Variants in SCIN observed in about 807,000 individuals in gnomAD.
SCIN encodes scinderin.
Under a neutral mutation model 91.8 loss-of-function variants are expected in SCIN, and 91 were observed. The observed-to-expected ratio is 0.99, with a 90% CI of 0.84 to 1.18. SCIN has a LOEUF of 1.18. Among genes scored for constraint, SCIN ranks in the 50% most tolerant of loss-of-function variants. The pLI is 0.00. For synonymous variants in SCIN, 367 were observed against 312.6 expected, an observed-to-expected ratio of 1.17 and a Z score of -1.84; for missense variants, 1,087 against 863.9, an observed-to-expected ratio of 1.26 and a Z score of -3.24.
chr7:12,638,754 A>G (rs1198807814), intron 10 of SCIN, among the ~76,000 whole-genome samples: 2 of 152,192 alleles, frequency 1.3e-5, no homozygotes. Flanking sequence ...ATCAAGTTAA[A>G]TCTAAATTTA....
rs1325600292 is a variant in SCIN, at chr7:12,580,933, A to G, written c.355-127A>G. ...GTTTTATGGAATAGGTGGCTATTTT[A>G]ACTTGGCCTGACAGGTACAGTTTTG... On this transcript the variant is annotated intron_variant, in intron 2 of 15. Transcript: ENST00000297029. 3 of 879,036 alleles carry G rather than the reference A, an allele frequency of 3.4e-6. No homozygotes were observed. In the Admixed American group the frequency reaches 8.7e-5, roughly 26 times the overall value. 54.5% of individuals were successfully genotyped at this position (879,036 alleles called of 1,614,324 possible).
intron 4 of SCIN, among the ~76,000 whole-genome samples, chr7:12,619,839 T>C (rs2115267473): frequency 6.6e-6 from 1 of 152,224 alleles, no homozygotes; most frequent in East Asian, 1.9e-4. Flanking sequence ...TTCCTGGGCC[T>C]CACCATAGAC....
Position 12,657,538 on chromosome 7 carries a change from GTATATATATATATATATATA to G in SCIN, c.*4839_*4858del, listed in dbSNP as rs1174371206. The stretch of plus-strand genomic sequence containing the variant: ...ATTTTTAAGTTTTATATATGTGTGT[GTATATATATATATATATATA>G]TATATATATATATATTTTTTTTTTT... On this transcript the variant is annotated 3_prime_UTR_variant, in exon 16 of 16. Transcript: ENST00000297029. The G allele has an allele frequency of 8.3e-4, 23 of 27,644 alleles. No homozygotes were observed. Among genetic ancestry groups the G allele is most frequent in the Non-Finnish European group, 1.4e-3 (16 of 11,594 alleles). The allele number at this position is 27,644 out of a possible 1,614,324, so 1.7% of individuals were successfully genotyped here. A position where few individuals can be genotyped will look rare whatever the true frequency, so the allele number is the denominator to read the frequency against.
chr7:12,574,763 A>G (rs1410059879), intron 1 of SCIN, among the ~76,000 whole-genome samples: 1 of 152,126 alleles, frequency 6.6e-6, no homozygotes, highest in Non-Finnish European at 1.5e-5. Flanking sequence ...CCTTAGTATC[A>G]GGTAGAGTGA....
intron 4 of SCIN, among the ~76,000 whole-genome samples, chr7:12,619,623 T>C (rs1475271012): frequency 1.3e-5 from 2 of 152,076 alleles, no homozygotes; most frequent in Non-Finnish European, 2.9e-5. Flanking sequence ...CGATTATTAA[T>C]CTCCTAGCTA....
chr7:12,645,503 ATT>A (rs886853047), intron 13 of SCIN, among the ~76,000 whole-genome samples: 3 of 152,024 alleles, frequency 2.0e-5, no homozygotes, highest in African/African-American at 7.2e-5. Flanking sequence ...TTAAACTTTT[ATT>A]TTAAGTTCAG....
At chr7:12,613,469 C>T (rs1427317166) in intron 4 of SCIN, among the ~76,000 whole-genome samples, 6 of 152,116 alleles carry the variant, frequency 3.9e-5, no homozygotes, top group Admixed American at 3.9e-4. Flanking sequence ...AAGATTCAGC[C>T]ATTCATATCT....
intron 8 of SCIN, 34 bp from the exon 9 acceptor site, chr7:12,629,067 T>C: frequency 1.3e-6 from 2 of 1,538,708 alleles, no homozygotes; most frequent in Non-Finnish European, 1.8e-6. Flanking sequence ...ATCAAGAAAA[T>C]TGTAATTTGT....
At position 12,651,874 on chromosome 7, in the gene SCIN, G is replaced by A. The variant is rs1379500156; in HGVS notation, c.1993G>A (p.Val665Ile). ...TTGGATTGGCAAAGATGCTAATGAA[G>A]TTGAGAAAAAAGAATCTCTGAAGTC... is the stretch of plus-strand genomic sequence containing the variant. ...FIWIGKDANEVEKKESLKSAK... is the reference protein window; with the variant it reads ...FIWIGKDANEIEKKESLKSAK... The change falls in exon 15 of 16, where the codon GTT becomes ATT. Residue 665 changes from valine (V) to isoleucine (I), a missense_variant. By Grantham distance (29) the Val-to-Ile change is conservative. Coordinates refer to ENST00000297029, the MANE Select transcript of SCIN (RefSeq NM_001112706.3). The surrounding 1 kb of genome is among the most constrained non-coding windows in gnomAD (Gnocchi z 5.9). 3 of 1,602,676 alleles carry A rather than the reference G, an allele frequency of 1.9e-6. No homozygotes were observed. The South Asian group carries it at 3.4e-5, about 18-fold the overall frequency.
chr7:12,637,782 T>C (rs1231567349), intron 10 of SCIN, among the ~76,000 whole-genome samples: 1 of 152,168 alleles, frequency 6.6e-6, no homozygotes, highest in Non-Finnish European at 1.5e-5. Context: ...AAATGAAAAT[T>C]TCATGTAATT....
intron 3 of SCIN, chr7:12,596,324 C>A: frequency 2.2e-6 from 1 of 455,932 alleles, no homozygotes; most frequent in South Asian, 1.6e-5. Context: ...TGCACATCCC[C>A]AAGAAGTTGC....
In SCIN at chr7:12,570,782, G is replaced by T. The variant is rs1204575118; in HGVS notation, c.-5G>T. The T allele has an allele frequency of 6.5e-7, 1 of 1,549,978 alleles. No individual in the cohort carries two copies. The highest frequency in any genetic ancestry group is 8.7e-7 in the Non-Finnish European group (1 of 1,146,218). On this transcript the variant is annotated 5_prime_UTR_variant, in exon 1 of 16. Transcript: ENST00000297029. ...GCGTCCCCCGGAGCATCGCGTGCAG[G>T]AGCCATGGCGCGGGAGCTATACCAC...
At chr7:12,625,335 A>C (rs1283058323) in intron 6 of SCIN, among the ~76,000 whole-genome samples, 193 bp downstream of exon 6, 1 of 152,156 alleles carries the variant, frequency 6.6e-6, no homozygotes, top group Non-Finnish European at 1.5e-5. Flanking sequence ...GAGTTAAAAA[A>C]AAAGCATTTG....
At chr7:12,642,857 A>G (rs1334896866) in intron 11 of SCIN, among the ~76,000 whole-genome samples, 2 of 151,826 alleles carry the variant, frequency 1.3e-5, no homozygotes, top group Non-Finnish European at 2.9e-5. Flanking sequence ...TAAGTTCTTG[A>G]GCGCTCCAAG....
intron 4 of SCIN, among the ~76,000 whole-genome samples, chr7:12,614,200 G>A (rs1783253919): frequency 1.3e-5 from 2 of 152,176 alleles, no homozygotes; most frequent in Admixed American, 6.5e-5. Context: ...TTCTACAAGG[G>A]TAAATGTAGA....
rs1039768720 is a variant in SCIN at position 12,570,980 on chromosome 7, G to C, written c.194G>C (p.Trp65Ser). The C allele has an allele frequency of 6.5e-7, 1 of 1,549,852 alleles. No individual in the cohort carries two copies. Among genetic ancestry groups the C allele is most frequent in the African/African-American group, 1.4e-5 (1 of 73,146 alleles). The change falls in exon 1 of 16, where the codon TGG (tryptophan) becomes TCG (serine). Residue 65 changes from tryptophan to serine, a missense_variant. Coordinates refer to ENST00000297029, the MANE Select transcript of SCIN (RefSeq NM_001112706.3). ...GGCTTCACCTACCACCTGCACTTCT[G>C]GCTCGGTAAGGGACGGCGGGCGGCG... ...SRGFTYHLHFWLGKECSQDES... is the reference protein window; with the variant it reads ...SRGFTYHLHFSLGKECSQDES...
chr7:12,608,321 G>GCACACACACACACA (rs35120183), intron 4 of SCIN, among the ~76,000 whole-genome samples: 78 of 148,676 alleles, frequency 5.2e-4, no homozygotes, highest in African/African-American at 1.8e-3. Flanking sequence ...ATGCACACAT[G>GCACACACACACACA]CACACACACA....
At chr7:12,627,069 GAC>G (rs1206245876) in intron 8 of SCIN, among the ~76,000 whole-genome samples, 1 of 149,758 alleles carries the variant, frequency 6.7e-6, no homozygotes, top group Non-Finnish European at 1.5e-5. Flanking sequence ...CAGCCTGGGT[GAC>G]AGAGTGAGAA....
chr7:12,572,897 A>G (rs1016369837), intron 1 of SCIN, among the ~76,000 whole-genome samples: 16 of 152,214 alleles, frequency 1.1e-4, no homozygotes, highest in African/African-American at 3.9e-4. Flanking sequence ...CTAAAAGTTC[A>G]TCACCTCAAA....
Sources: allele counts gnomAD v4.1 joint callset (sites outside exome capture counted in the v4.1 genomes callset), GRCh38; gene constraint gnomAD v4.1.1; non-coding constraint Gnocchi (gnomAD v3.1); transcripts MANE v1.5; gene names NCBI Gene and HGNC (gene_info 2026-07-23, HGNC 2026-07-21).